The following C16orf96 variants were observed in gnomAD, a reference collection of about 807,000 sequenced individuals.
The protein encoded by C16orf96 is chromosome 16 open reading frame 96.
C16orf96 carries 108 observed loss-of-function variants against 103.6 expected under a neutral mutation model. The ratio of observed to expected loss-of-function variants is 1.04; its 90% CI spans 0.89 to 1.22. C16orf96 has a LOEUF of 1.22. C16orf96 is among the 50% of genes most tolerant of loss of function. The pLI is 0.00. For missense variants in C16orf96, 1,586 were observed against 1,464.2 expected, an observed-to-expected ratio of 1.08 and a Z score of -1.36; for synonymous variants, 566 against 593.5, an observed-to-expected ratio of 0.95 and a Z score of 0.67.
At position 4,579,947 on chromosome 16, in the gene C16orf96, C is replaced by G. The variant is rs1415816399; in HGVS notation, c.2242-68C>G. ...ATTCTTCTTGGCCTCAACCCTCCCT[C>G]AGGCCCCTTCCCGGCCATGGTAACT... On this transcript the variant is annotated intron_variant, in intron 6 of 15. Transcript: ENST00000444310. The G allele has an allele frequency of 3.0e-6, 4 of 1,345,638 alleles. No homozygotes were observed. In the African/African-American group the frequency reaches 4.4e-5, roughly 15 times the overall value. The allele number at this position is 1,345,638 out of a possible 1,614,324, so 83.4% of individuals were successfully genotyped here. A position where few individuals can be genotyped will look rare whatever the true frequency, so the allele number is the denominator to read the frequency against.
chr16:4,571,691 T>C (rs1278099841), intron 2 of C16orf96, 26 bp downstream of exon 2: 2 of 1,536,908 alleles, frequency 1.3e-6, no homozygotes, highest in Non-Finnish European at 1.8e-6. Context: ...GCATCCTCCA[T>C]GCCAGCTGCG....
the C16orf96 span, among the ~76,000 whole-genome samples, chr16:4,547,580 T>C: frequency 6.6e-6 from 1 of 151,322 alleles, no homozygotes; most frequent in African/African-American, 2.4e-5. Context: ...GTACAGGTTT[T>C]CTCCTCTCCT....
rs976076672 is a variant in C16orf96 at position 4,576,966 on chromosome 16, C to T, written c.2155+331C>T. On this transcript the variant is annotated intron_variant, in intron 5 of 15. Transcript: ENST00000444310. ...CAGCACTTTGGGAGGCTGAGGTGGGCGGATCACCTGAGACCGCAAGTTCAA... is the reference window on the plus strand; with the variant it reads ...CAGCACTTTGGGAGGCTGAGGTGGGTGGATCACCTGAGACCGCAAGTTCAA... Among the ~76,000 whole-genome samples, 12 of 151,770 alleles carry T rather than the reference C, an allele frequency of 7.9e-5. No individual in the cohort carries two copies. In the South Asian group the frequency reaches 1.9e-3, roughly 24 times the overall value.
chr16:4,579,130 G>A (rs1414912296), intron 6 of C16orf96, 105 bp downstream of exon 6: 5 of 1,026,426 alleles, frequency 4.9e-6, no homozygotes, highest in Non-Finnish European at 7.2e-6. Context: ...GTGTTCTGCA[G>A]CAAAACAGGC....
At position 4,599,335 on chromosome 16, in the gene C16orf96, C is replaced by T. The variant is rs1897237801; in HGVS notation, c.3179C>T (p.Ser1060Phe). Residue 1060 changes from serine to phenylalanine, a missense_variant, in exon 15 of 16, where the codon TCC becomes TTC. Ser to Phe is a radical substitution (Grantham distance 155, BLOSUM62 -2). Coordinates refer to ENST00000444310, the MANE Select transcript of C16orf96 (RefSeq NM_001145011.2). Reference sequence around the variant, plus strand: ...CAAAGCCTGTATGACCGTGTGCACTCCAGTGCCCTATTTGGCGCCATCTGC... The same window carrying T: ...CAAAGCCTGTATGACCGTGTGCACTTCAGTGCCCTATTTGGCGCCATCTGC... ...PSQSLYDRVH[S>F]SALFGAICPP... 2 of 1,551,704 alleles carry T rather than the reference C, an allele frequency of 1.3e-6. No individual in the cohort carries two copies. Among genetic ancestry groups the T allele is most frequent in the Non-Finnish European group, 1.7e-6 (2 of 1,146,970 alleles).
Position 4,600,466 on chromosome 16 carries a change from ATGTCCGAGGCTGAGGCT to A in C16orf96, c.*150_*166del, listed in dbSNP as rs1157769542. ...CCCCCACCCCCACCAAGTCCCCTCCATGTCCGAGGCTGAGGCTCATGCGCCCCCCCCCATCCCTACCA... is the reference window on the plus strand; with the variant it reads ...CCCCCACCCCCACCAAGTCCCCTCCACATGCGCCCCCCCCCATCCCTACCA... On this transcript the variant is annotated 3_prime_UTR_variant, in exon 16 of 16. Transcript: ENST00000444310. The A allele has an allele frequency of 4.5e-5, 17 of 374,102 alleles. No individual in the cohort carries two copies. The highest frequency in any genetic ancestry group is 1.8e-4 in the African/African-American group (2 of 11,086). 23.2% of individuals were successfully genotyped at this position (374,102 alleles called of 1,614,324 possible). A position where few individuals can be genotyped will look rare whatever the true frequency, so the allele number is the denominator to read the frequency against.
chr16:4,580,141 T>TAGGGCTGGGTAGG lies in C16orf96; in HGVS notation c.2352+19_2352+20insGCTGGGTAGGAGG. The TAGGGCTGGGTAGG allele has an allele frequency of 1.4e-6, 2 of 1,481,204 alleles. No individual in the cohort carries two copies. Among genetic ancestry groups the TAGGGCTGGGTAGG allele is most frequent in the Non-Finnish European group, 1.8e-6 (2 of 1,110,188 alleles). 91.8% of individuals were successfully genotyped at this position (1,481,204 alleles called of 1,614,324 possible). On this transcript the variant is annotated intron_variant, in intron 7 of 15. Coordinates refer to ENST00000444310, the MANE Select transcript of C16orf96 (RefSeq NM_001145011.2). ...TGAGTTCAAGGTTAGGAGGACTGGG[T>TAGGGCTGGGTAGG]AGGCTGGAGAAGGGCTGGCAAAGGG...
Position 4,576,433 on chromosome 16 carries a change from C to T in C16orf96, c.1953C>T (p.Ser651=). The change falls in exon 5 of 16, where the codon TCC becomes TCT. Residue 651 remains serine (S), a synonymous_variant. Transcript: ENST00000444310. ...DSEIYEILSP[S]YSAASIGPDP... ...AAATCTACGAAATCCTCTCTCCCTC[C>T]TACTCTGCTGCCAGCATCGGTCCCG... 4 of 1,551,252 alleles carry T rather than the reference C, an allele frequency of 2.6e-6. No homozygotes were observed. Among genetic ancestry groups the T allele is most frequent in the Non-Finnish European group, 3.5e-6 (4 of 1,146,994 alleles).
At chr16:4,560,045 TCTCA>T (rs1477193863) in intron 1 of C16orf96, 1 of 152,082 alleles carries the variant, frequency 6.6e-6, no homozygotes, top group Non-Finnish European at 1.5e-5. Context: ...TGAGACAGAG[TCTCA>T]CTCTGTCATC....
intron 1 of C16orf96, chr16:4,560,746 G>T (rs2059321224): frequency 6.6e-6 from 1 of 151,964 alleles, no homozygotes; most frequent in African/African-American, 2.4e-5. Flanking sequence ...CCAGGAGTTG[G>T]TGATTGCAGT....
chr16:4,544,970 G>A, the C16orf96 span, among the ~76,000 whole-genome samples: 1 of 152,158 alleles, frequency 6.6e-6, no homozygotes, highest in Non-Finnish European at 1.5e-5. Context: ...TTGCACCCAA[G>A]ATAAAACACA....
intron 7 of C16orf96, among the ~76,000 whole-genome samples, chr16:4,583,846 G>C (rs1339418045): frequency 6.9e-6 from 1 of 144,594 alleles, no homozygotes; most frequent in African/African-American, 2.6e-5. Flanking sequence ...AATTGCTTCA[G>C]CTCAGGAGGC....
intron 15 of C16orf96, among the ~76,000 whole-genome samples, chr16:4,599,843 C>A (rs1000942301): frequency 1.3e-5 from 2 of 152,214 alleles, no homozygotes; most frequent in Non-Finnish European, 2.9e-5. Context: ...GATCCGTGGA[C>A]TCCAAGCTTC....
At chr16:4,597,157 G>A (rs1596541006) in intron 14 of C16orf96, among the ~76,000 whole-genome samples, 1 of 152,130 alleles carries the variant, frequency 6.6e-6, no homozygotes, top group South Asian at 2.1e-4. Flanking sequence ...TCTCCTGGGC[G>A]GGATGTGGCT....
intron 2 of C16orf96, among the ~76,000 whole-genome samples, chr16:4,573,149 C>G (rs189857664): frequency 2.0e-5 from 3 of 152,058 alleles, no homozygotes; most frequent in African/African-American, 4.8e-5. Context: ...AGAAACCATG[C>G]CTTCTCGGCG....
At chr16:4,597,784 T>G (rs1396726591) in intron 14 of C16orf96, among the ~76,000 whole-genome samples, 1 of 152,154 alleles carries the variant, frequency 6.6e-6, no homozygotes, top group African/African-American at 2.4e-5. Flanking sequence ...CTCAAACATC[T>G]GGCCTCAAGT....
rs921342849 is a variant in C16orf96, at chr16:4,556,481, C to T, written c.-9C>T. On this transcript the variant is annotated 5_prime_UTR_variant, in exon 1 of 16. Transcript: ENST00000444310. ...TGGAACCCCAGCCCCACTGACCCAC[C>T]CTGGCAGGATGAGCTTCTCACTCAC... 1.3e-6 allele frequency: 2 copies of T among 1,516,840 alleles called. No homozygotes were observed. Among genetic ancestry groups the T allele is most frequent in the Admixed American group, 2.0e-5 (1 of 49,488 alleles). The allele number at this position is 1,516,840 out of a possible 1,614,324, so 94.0% of individuals were successfully genotyped here. A position where few individuals can be genotyped will look rare whatever the true frequency, so the allele number is the denominator to read the frequency against.
intron 2 of C16orf96, 69 bp from the exon 3 acceptor site, chr16:4,574,640 A>G: frequency 3.9e-6 from 5 of 1,280,544 alleles, no homozygotes; most frequent in Non-Finnish European, 5.5e-6. Flanking sequence ...AGTCACCTAG[A>G]GCCACGGGAA....
intron 14 of C16orf96, among the ~76,000 whole-genome samples, chr16:4,597,655 C>G (rs1041924059): frequency 7.2e-5 from 11 of 151,956 alleles, no homozygotes; most frequent in African/African-American, 2.7e-4. Flanking sequence ...CTCCTGGGCT[C>G]AAGAAATCCT....
Sources: gnomAD v4.1 joint callset for allele counts (sites outside exome capture counted in the v4.1 genomes callset) on GRCh38, gnomAD v4.1.1 for gene constraint, MANE v1.5 for transcripts, NCBI Gene and HGNC (gene_info 2026-07-23, HGNC 2026-07-21) for gene names.